The following KLF13 variants were observed in gnomAD, a reference collection of about 807,000 sequenced individuals.
The protein encoded by KLF13 is KLF transcription factor 13.
KLF13 carries 8 observed loss-of-function variants against 16.7 expected under a neutral mutation model. That is an observed-to-expected ratio of 0.48 (90% CI 0.28 to 0.87). KLF13 has a LOEUF of 0.87. Among genes scored for constraint, KLF13 ranks in the 40% least tolerant of loss-of-function variants. The pLI, the probability that KLF13 is intolerant of heterozygous loss-of-function variation, is 0.10. For synonymous variants in KLF13, 245 were observed against 208.4 expected (o/e 1.18, Z -1.51); for missense variants, 447 against 452.2 (o/e 0.99, Z 0.10).
intron 1 of KLF13, among the ~76,000 whole-genome samples, chr15:31,331,493 C>T (rs1473820558): frequency 6.6e-6 from 1 of 151,908 alleles, no homozygotes; most frequent in Non-Finnish European, 1.5e-5. Context: ...CACACCGCCC[C>T]TTGGGCTCCC....
intron 1 of KLF13, among the ~76,000 whole-genome samples, chr15:31,350,780 T>C (rs1039693315): frequency 2.0e-5 from 3 of 152,242 alleles, no homozygotes; most frequent in African/African-American, 7.2e-5. Flanking sequence ...GAGGTGGCCA[T>C]GCCAGTGGAG....
rs2040411982 is a variant in KLF13, at chr15:31,427,364, TAAC to T, written n.118-8003_118-8001del. Among the ~76,000 whole-genome samples the T allele has an allele frequency of 5.3e-5, 8 of 151,432 alleles. No individual in the cohort carries two copies. In the South Asian group the frequency reaches 1.7e-3, roughly 32 times the overall value. On this transcript the variant is annotated intron_variant and non_coding_transcript_variant, in intron 1 of 1. Transcript: ENST00000558225. ...AAAAAACAAAACAAAAAACAGAAAA[TAAC>T]AAGTGTTGGCAAGAATGTAGAAAAA... is the stretch of plus-strand genomic sequence containing the variant.
At chr15:31,381,171 C>CAAA (rs398043115), downstream of KLF13, among the ~76,000 whole-genome samples, 37 of 121,512 alleles carry the variant, frequency 3.0e-4, 1 homozygote, top group Admixed American at 5.3e-4. Context: ...GACTCTGTCT[C>CAAA]AAAAAAAAAA....
chr15:31,350,726 G>A (rs1018799479), intron 1 of KLF13, among the ~76,000 whole-genome samples: 2 of 152,234 alleles, frequency 1.3e-5, no homozygotes, highest in African/African-American at 2.4e-5. Context: ...TGAAGGATCC[G>A]CAAGGAAGCT....
chr15:31,329,469 G>A (rs1252924115), intron 1 of KLF13, among the ~76,000 whole-genome samples: 1 of 152,192 alleles, frequency 6.6e-6, no homozygotes, highest in African/African-American at 2.4e-5. Flanking sequence ...CACCGGTAGC[G>A]GGGAATTGAG....
At chr15:31,405,133 C>T (rs772734195), downstream of KLF13, among the ~76,000 whole-genome samples, 1 of 152,146 alleles carries the variant, frequency 6.6e-6, no homozygotes, top group East Asian at 1.9e-4. Flanking sequence ...GCGAGCAGAG[C>T]TCTCATGAAT....
chr15:31,358,787 C>T (rs2039338797), intron 1 of KLF13, among the ~76,000 whole-genome samples: 1 of 152,212 alleles, frequency 6.6e-6, no homozygotes, highest in South Asian at 2.1e-4. Context: ...AATGTCACCC[C>T]TGGGCTATCA....
chr15:31,394,975 C>CTTTGT (rs758487907), intron 2 of KLF13, among the ~76,000 whole-genome samples: 9 of 152,088 alleles, frequency 5.9e-5, no homozygotes, highest in Admixed American at 2.6e-4. Flanking sequence ...ACTCCACTCC[C>CTTTGT]TTTGTTTTGT....
chr15:31,380,023 C>T (rs144681363), downstream of KLF13, among the ~76,000 whole-genome samples: 164 of 152,284 alleles, frequency 1.1e-3, 3 homozygotes, highest in Middle Eastern at 0.037. Flanking sequence ...TCTGGCCGCG[C>T]GCAGTGGTTC....
At chr15:31,361,286 G>A (rs2039380188) in intron 1 of KLF13, among the ~76,000 whole-genome samples, 3 of 152,124 alleles carry the variant, frequency 2.0e-5, no homozygotes, top group Non-Finnish European at 4.4e-5. Context: ...GGGGCTGTGA[G>A]AATGTCTTTC....
chr15:31,328,063 G>A (rs1456357758), intron 1 of KLF13, among the ~76,000 whole-genome samples: 2 of 146,048 alleles, frequency 1.4e-5, no homozygotes, highest in African/African-American at 5.0e-5. Flanking sequence ...CCGCGGGGGC[G>A]GATATAGTCA....
chr15:31,366,038 C>T (rs2039464798), intron 1 of KLF13: 3 of 152,230 alleles, frequency 2.0e-5, no homozygotes, highest in Admixed American at 2.0e-4. Context: ...CGCTGTGGCG[C>T]CAGGGAACAT....
At chr15:31,351,298 A>G (rs575933994) in intron 1 of KLF13, among the ~76,000 whole-genome samples, 1 of 152,398 alleles carries the variant, frequency 6.6e-6, no homozygotes, top group African/African-American at 2.4e-5. Flanking sequence ...ACAGGAAAGT[A>G]TCAAGGAAAA....
intron 2 of KLF13, among the ~76,000 whole-genome samples, chr15:31,402,372 G>A (rs1036879981): frequency 2.0e-5 from 3 of 152,242 alleles, no homozygotes; most frequent in Admixed American, 6.5e-5. Flanking sequence ...GGAGATGAAA[G>A]CAGTGTGCTT....
chr15:31,346,292 G>A (rs2039115151), intron 1 of KLF13, among the ~76,000 whole-genome samples: 1 of 152,218 alleles, frequency 6.6e-6, no homozygotes, highest in Admixed American at 6.5e-5. Context: ...GCCAGAAGGA[G>A]AGATTTCCAC....
intron 1 of KLF13, among the ~76,000 whole-genome samples, chr15:31,371,126 C>G (rs538740845): frequency 2.0e-5 from 3 of 152,262 alleles, no homozygotes; most frequent in South Asian, 4.1e-4. Context: ...AGCCCCCCAC[C>G]CTGGTTCTTC....
At chr15:31,355,082 T>G (rs563899672) in intron 1 of KLF13, among the ~76,000 whole-genome samples, 1 of 152,196 alleles carries the variant, frequency 6.6e-6, no homozygotes, top group East Asian at 1.9e-4. Flanking sequence ...CAGCCTCGAG[T>G]TATAACTAGT....
intron 1 of KLF13, among the ~76,000 whole-genome samples, chr15:31,428,003 A>G (rs1419518803): frequency 6.6e-6 from 1 of 152,224 alleles, no homozygotes; most frequent in East Asian, 1.9e-4. Flanking sequence ...ACACAGACCC[A>G]AACCATATCA....
At chr15:31,355,513 C>T (rs1400226371) in intron 1 of KLF13, among the ~76,000 whole-genome samples, 1 of 152,184 alleles carries the variant, frequency 6.6e-6, no homozygotes, top group Non-Finnish European at 1.5e-5. Flanking sequence ...CACCATCTGC[C>T]AGCTTCTTCA....
Sources: gnomAD v4.1 joint callset for allele counts (sites outside exome capture counted in the v4.1 genomes callset) on GRCh38, gnomAD v4.1.1 for gene constraint, MANE v1.5 for transcripts, NCBI Gene and HGNC (gene_info 2026-07-23, HGNC 2026-07-21) for gene names.